The following PRTG variants were observed in gnomAD, a reference collection of about 807,000 sequenced individuals.
The protein encoded by PRTG is immunoglobulin superfamily, DCC subclass, member 5.
Under a neutral mutation model 122.5 loss-of-function variants are expected in PRTG, and 67 were observed. That is an observed-to-expected ratio of 0.55 (90% CI 0.45 to 0.67). The LOEUF is 0.67. Among genes scored for constraint, PRTG ranks in the 30% least tolerant of loss-of-function variants. The probability of loss-of-function intolerance (pLI) is 0.00; values close to 1 mark genes in which losing one functional copy is unlikely to be tolerated. For missense variants in PRTG, 1,435 were observed against 1,415.4 expected (o/e 1.01, Z -0.22); for synonymous variants, 554 against 501.1 (o/e 1.11, Z -1.41).
chr15:55,669,873 C>A (rs991697179), intron 11 of PRTG, among the ~76,000 whole-genome samples: 3 of 152,320 alleles, frequency 2.0e-5, no homozygotes, highest in South Asian at 4.1e-4. Flanking sequence ...AGGAAACATG[C>A]AGCTATTTTA....
chr15:55,741,700 C>A (rs144761007), intron 1 of PRTG, among the ~76,000 whole-genome samples: 2 of 152,168 alleles, frequency 1.3e-5, no homozygotes, highest in Non-Finnish European at 1.5e-5. Flanking sequence ...TGATTACAAA[C>A]CCCCAGAAAT....
At chr15:55,718,980 G>A (rs1260067250) in intron 2 of PRTG, among the ~76,000 whole-genome samples, 2 of 151,996 alleles carry the variant, frequency 1.3e-5, no homozygotes, top group African/African-American at 4.8e-5. Flanking sequence ...CCTGACCTCA[G>A]GTACTCTGCC....
chr15:55,731,695 G>A (rs573317565), intron 2 of PRTG, among the ~76,000 whole-genome samples: 4 of 152,136 alleles, frequency 2.6e-5, no homozygotes, highest in East Asian at 1.9e-4. Context: ...AATAGCAATC[G>A]GTGGGAGTGG....
At chr15:55,733,618 G>C (rs1490426337) in intron 2 of PRTG, among the ~76,000 whole-genome samples, 1 of 151,880 alleles carries the variant, frequency 6.6e-6, no homozygotes, top group Admixed American at 6.6e-5. Flanking sequence ...CTTGAGCCCA[G>C]GAGTTCAAGG....
At chr15:55,644,737 G>T (rs12903208) in intron 11 of PRTG, among the ~76,000 whole-genome samples, 3 of 151,526 alleles carry the variant, frequency 2.0e-5, no homozygotes, top group Non-Finnish European at 2.9e-5. Context: ...TATATCAGGC[G>T]TACAAGATCC....
At chr15:55,642,027 AG>A in intron 11 of PRTG, among the ~76,000 whole-genome samples, 1 of 149,748 alleles carries the variant, frequency 6.7e-6, no homozygotes. Context: ...ACAAAAAATT[AG>A]CCGGGCGCAG....
chr15:55,742,901 G>A lies in PRTG; in HGVS notation c.31C>T (p.Leu11=), dbSNP rs1236597708. 1.3e-6 allele frequency: 2 copies of A among 1,530,056 alleles called. No homozygotes were observed. The highest frequency in any genetic ancestry group is 1.8e-6 in the Non-Finnish European group (2 of 1,137,882). The allele number at this position is 1,530,056 out of a possible 1,614,324, so 94.8% of individuals were successfully genotyped here. A position where few individuals can be genotyped will look rare whatever the true frequency, so the allele number is the denominator to read the frequency against. Residue 11 remains leucine (L), a synonymous_variant, in exon 1 of 20, where the codon CTG becomes TTG. Coordinates refer to ENST00000389286, the MANE Select transcript of PRTG (RefSeq NM_173814.6). The part of the protein sequence containing the change: MAPPLRPLAR[L]RPPGMLLRAL... ...CGGAGCAGCATCCCCGGCGGTCGCAGCCGGGCGAGGGGTCGCAGAGGAGGC... is the reference window on the plus strand; with the variant it reads ...CGGAGCAGCATCCCCGGCGGTCGCAACCGGGCGAGGGGTCGCAGAGGAGGC...
At position 55,639,697 on chromosome 15, in the gene PRTG, T is replaced by C; in HGVS notation, c.2269A>G (p.Ile757Val). 6.2e-7 allele frequency: 1 copy of C among 1,614,072 alleles called. No homozygotes were observed. The highest frequency in any genetic ancestry group is 8.5e-7 in the Non-Finnish European group (1 of 1,180,020). ...FTAAQIINYTIRCNPVGLQNA... is the reference protein window; with the variant it reads ...FTAAQIINYTVRCNPVGLQNA... ...TGCAGGCCAACAGGATTACAGCGGATGGTGTAGTTAATGATTTGTGCAGCG... is the reference window on the plus strand; with the variant it reads ...TGCAGGCCAACAGGATTACAGCGGACGGTGTAGTTAATGATTTGTGCAGCG... Residue 757 changes from isoleucine to valine, a missense_variant, in exon 13 of 20, where the codon ATC becomes GTC. Physicochemically the swap from Ile to Val is conservative, Grantham distance 29. Transcript: ENST00000389286.
chr15:55,730,365 G>A (rs2031187958), intron 2 of PRTG, among the ~76,000 whole-genome samples: 1 of 151,738 alleles, frequency 6.6e-6, no homozygotes, highest in Non-Finnish European at 1.5e-5. Context: ...GCCTCCCAAA[G>A]TGCTGGGATT....
intron 2 of PRTG, among the ~76,000 whole-genome samples, chr15:55,732,476 C>A (rs1018576222): frequency 1.3e-5 from 2 of 148,824 alleles, no homozygotes; most frequent in Non-Finnish European, 3.0e-5. Flanking sequence ...TGAGCAACTG[C>A]GCCTGGCCAG....
At chr15:55,713,891 A>T (rs2030494910) in intron 2 of PRTG, among the ~76,000 whole-genome samples, 1 of 152,084 alleles carries the variant, frequency 6.6e-6, no homozygotes, top group African/African-American at 2.4e-5. Flanking sequence ...TGAAATTCAG[A>T]AGTTTAAAAA....
intron 2 of PRTG, among the ~76,000 whole-genome samples, chr15:55,703,725 A>G (rs1276461365): frequency 6.6e-6 from 1 of 152,202 alleles, no homozygotes; most frequent in Non-Finnish European, 1.5e-5. Flanking sequence ...CACTTTGCCT[A>G]TTACATCTTT....
intron 11 of PRTG, among the ~76,000 whole-genome samples, chr15:55,671,181 C>G (rs552361266): frequency 6.6e-6 from 1 of 152,300 alleles, no homozygotes; most frequent in South Asian, 2.1e-4. Flanking sequence ...AAATCTAATG[C>G]TGCTCACACA....
At chr15:55,723,752 C>CTTTTTTTTTTTT (rs769469226) in intron 2 of PRTG, among the ~76,000 whole-genome samples, 1 of 127,102 alleles carries the variant, frequency 7.9e-6, no homozygotes. Context: ...TTTCTTTTTT[C>CTTTTTTTTTTTT]TTTTTTTTTT....
In PRTG at chr15:55,620,749, T is replaced by C. The variant is rs754758475; in HGVS notation, c.3112A>G (p.Ile1038Val). 51 of 1,594,680 alleles carry C rather than the reference T, an allele frequency of 3.2e-5. No individual in the cohort carries two copies. The highest frequency in any genetic ancestry group is 1.7e-4 in the Middle Eastern group (1 of 5,980). The change falls in exon 19 of 20, where the codon ATT (isoleucine) becomes GTT (valine). Residue 1038 changes from isoleucine (I) to valine (V), a missense_variant. Transcript: ENST00000389286. Reference sequence around the variant, plus strand: ...TTAATTATAGGACCATAGCTATTAATTATCAGGTCAGTTCCTCCCTGAGGA... The same window carrying C: ...TTAATTATAGGACCATAGCTATTAACTATCAGGTCAGTTCCTCCCTGAGGA... ...IDAKGGTDLI[I>V]NSYGPIIKNN...
Position 55,615,925 on chromosome 15 carries a change from C to T in PRTG, c.*4087G>A, listed in dbSNP as rs1455786301. Reference sequence around the variant, plus strand: ...CTGCATAAGAACTTGAACAATGATCCTGGGTTGTCAACCACGAGCACATTT... The same window carrying T: ...CTGCATAAGAACTTGAACAATGATCTTGGGTTGTCAACCACGAGCACATTT... On this transcript the variant is annotated 3_prime_UTR_variant, in exon 20 of 20. Coordinates refer to ENST00000389286, the MANE Select transcript of PRTG (RefSeq NM_173814.6). 1.3e-5 allele frequency: 2 copies of T among 152,050 alleles called. No homozygotes were observed. The highest frequency in any genetic ancestry group is 2.9e-5 in the Non-Finnish European group (2 of 67,990). The allele number at this position is 152,050 out of a possible 1,614,324, so 9.4% of individuals were successfully genotyped here. A position where few individuals can be genotyped will look rare whatever the true frequency, so the allele number is the denominator to read the frequency against.
chr15:55,656,760 G>A (rs1014545486), intron 11 of PRTG, among the ~76,000 whole-genome samples: 3 of 152,306 alleles, frequency 2.0e-5, no homozygotes, highest in South Asian at 4.1e-4. Context: ...TGCCCATCTC[G>A]GCTTCCCAAA....
Position 55,616,264 on chromosome 15 carries a change from T to A in PRTG, c.*3748A>T, listed in dbSNP as rs1307957214. 1 of 152,142 alleles carries A rather than the reference T, an allele frequency of 6.6e-6. No individual in the cohort carries two copies. Among genetic ancestry groups the A allele is most frequent in the African/African-American group, 2.4e-5 (1 of 41,448 alleles). 9.4% of individuals were successfully genotyped at this position (152,142 alleles called of 1,614,324 possible). On this transcript the variant is annotated 3_prime_UTR_variant, in exon 20 of 20. Transcript: ENST00000389286. The stretch of plus-strand genomic sequence containing the variant: ...AACATTTCAATTTAACAACTCTAAA[T>A]TCCAATCTCACACCTTTAAAGAGCA...
In PRTG at chr15:55,669,661, C is replaced by G. The variant is rs142609529; in HGVS notation, c.2041+2784G>C. 1.2e-3 allele frequency among the ~76,000 whole-genome samples: 189 copies of G among 152,324 alleles called. 1 individual carries two copies. The highest frequency in any genetic ancestry group is 3.2e-3 in the Admixed American group (49 of 15,300). On this transcript the variant is annotated intron_variant, in intron 11 of 19. Coordinates refer to ENST00000389286, the MANE Select transcript of PRTG (RefSeq NM_173814.6). ...CCATAGGGGTCTCAAGATTAAAAGGCATCTTAAAGGTGATCCAGTCAACAG... is the reference window on the plus strand; with the variant it reads ...CCATAGGGGTCTCAAGATTAAAAGGGATCTTAAAGGTGATCCAGTCAACAG...
Sources: allele counts gnomAD v4.1 joint callset (sites outside exome capture counted in the v4.1 genomes callset), GRCh38; gene constraint gnomAD v4.1.1; transcripts MANE v1.5; gene names NCBI Gene and HGNC (gene_info 2026-07-23, HGNC 2026-07-21).